The following FOXP4 variants were observed in gnomAD, a reference collection of about 807,000 sequenced individuals.
The protein encoded by FOXP4 is forkhead box protein P4.
Under a neutral mutation model 82.6 loss-of-function variants are expected in FOXP4, and 25 were observed. The observed-to-expected ratio is 0.30, with a 90% CI of 0.22 to 0.42. The LOEUF (loss-of-function observed/expected upper bound fraction) is 0.42. FOXP4 is among the 10% of genes least tolerant of loss of function. The pLI is 1.00. For synonymous variants in FOXP4, 415 were observed against 388.2 expected (o/e 1.07, Z -0.81); for missense variants, 785 against 900.9 (o/e 0.87, Z 1.65).
intron 1 of FOXP4, among the ~76,000 whole-genome samples, chr6:41,547,151 C>T (rs1763677804): frequency 6.6e-6 from 1 of 151,822 alleles, no homozygotes; most frequent in South Asian, 2.1e-4. Context: ...CAGGTGGGGG[C>T]TGTGGCGCGG....
intron 2 of FOXP4, among the ~76,000 whole-genome samples, chr6:41,572,470 A>G (rs2127363902): frequency 6.6e-6 from 1 of 151,996 alleles, no homozygotes; most frequent in South Asian, 2.1e-4. Flanking sequence ...CTTAATAACC[A>G]CTCATTAAAT....
At chr6:41,569,693 G>A (rs1454010740) in intron 2 of FOXP4, among the ~76,000 whole-genome samples, 5 of 152,196 alleles carry the variant, frequency 3.3e-5, no homozygotes, top group African/African-American at 1.2e-4. Flanking sequence ...ACGCTGAAAG[G>A]CGTCCTGGGC....
At chr6:41,550,006 T>G (rs1424056026) in intron 1 of FOXP4, among the ~76,000 whole-genome samples, 9 of 152,186 alleles carry the variant, frequency 5.9e-5, no homozygotes, top group African/African-American at 2.2e-4. Context: ...ACAGTTTCCC[T>G]TCTCACAGAT....
chr6:41,577,486 C>T (rs1002824286), intron 2 of FOXP4, among the ~76,000 whole-genome samples: 7 of 152,284 alleles, frequency 4.6e-5, no homozygotes, highest in African/African-American at 1.2e-4. Context: ...GCTCTGATGC[C>T]GCCTAGCTGT....
At chr6:41,547,120 G>C (rs968203430) in intron 1 of FOXP4, among the ~76,000 whole-genome samples, 11 of 151,904 alleles carry the variant, frequency 7.2e-5, no homozygotes, top group Non-Finnish European at 1.5e-4. Flanking sequence ...GGGCCCCAGC[G>C]GGCCGGAGCT....
At position 41,558,349 on chromosome 6, in the gene FOXP4, C is replaced by T. The variant is rs1423004473; in HGVS notation, c.-16-7396C>T. Among the ~76,000 whole-genome samples, 1 of 152,184 alleles carries T rather than the reference C, an allele frequency of 6.6e-6. No individual in the cohort carries two copies. Among genetic ancestry groups the T allele is most frequent in the Non-Finnish European group, 1.5e-5 (1 of 68,030 alleles). ...GGTCTTGACTCACTTTCTTCAAGTG[C>T]TGAACCAAGGGCTGGGAGAGGGGGG... On this transcript the variant is annotated intron_variant, in intron 1 of 16. Coordinates refer to ENST00000307972, the MANE Select transcript of FOXP4 (RefSeq NM_001012426.2). This position sits in a 1 kb window ranked among gnomAD's most constrained non-coding sequence, Gnocchi z 4.0.
chr6:41,571,461 T>C (rs1348733242), intron 2 of FOXP4, among the ~76,000 whole-genome samples: 1 of 152,234 alleles, frequency 6.6e-6, no homozygotes, highest in African/African-American at 2.4e-5. Context: ...CAGAAACTAG[T>C]TCCTTATAGA....
At position 41,587,737 on chromosome 6, in the gene FOXP4, A is replaced by T. The variant is rs989966350; in HGVS notation, c.873-56A>T. 1.1e-5 allele frequency: 13 copies of T among 1,230,218 alleles called. No homozygotes were observed. In the African/African-American group the frequency reaches 1.5e-4, roughly 14 times the overall value. 76.2% of individuals were successfully genotyped at this position (1,230,218 alleles called of 1,614,324 possible). A position where few individuals can be genotyped will look rare whatever the true frequency, so the allele number is the denominator to read the frequency against. ...GGGGAGCTGGTGCTCAGCTGACTAC[A>T]GGGCCGCTGGGGTCTTCAGGGTCCC... On this transcript the variant is annotated intron_variant, in intron 7 of 16. Coordinates refer to ENST00000307972, the MANE Select transcript of FOXP4 (RefSeq NM_001012426.2).
chr6:41,589,916 C>A (rs202088344), intron 10 of FOXP4, 47 bp from the exon 11 acceptor site: 2 of 1,610,132 alleles, frequency 1.2e-6, no homozygotes, highest in Non-Finnish European at 1.7e-6. Context: ...AGCCTCGGGA[C>A]CCCCACCCTC....
chr6:41,587,021 A>G lies in FOXP4; in HGVS notation c.523A>G (p.Lys175Glu). The G allele has an allele frequency of 6.3e-7, 1 of 1,592,974 alleles. No homozygotes were observed. Among genetic ancestry groups the G allele is most frequent in the Non-Finnish European group, 8.6e-7 (1 of 1,165,682 alleles). The change falls in exon 6 of 17, where the codon AAG becomes GAG. Residue 175 changes from lysine to glutamate, a missense_variant. Coordinates refer to ENST00000307972, the MANE Select transcript of FOXP4 (RefSeq NM_001012426.2). ...GGCCCCTCACCAGGCACTGGGGAAC[A>G]AGCAGCTGGCCTTCCAGCAGCAGCT... ...KPQPKEALGNKQLAFQQQLLQ... is the reference protein window; with the variant it reads ...KPQPKEALGNEQLAFQQQLLQ...
At position 41,597,831 on chromosome 6, in the gene FOXP4, G is replaced by A. The variant is rs1355638085; in HGVS notation, c.1776G>A (p.Leu592=). 1.2e-6 allele frequency: 2 copies of A among 1,605,934 alleles called. No homozygotes were observed. The highest frequency in any genetic ancestry group is 1.7e-6 in the Non-Finnish European group (2 of 1,178,820). Residue 592 remains leucine, a synonymous_variant, in exon 16 of 17, where the codon CTG becomes CTA. Coordinates refer to ENST00000307972, the MANE Select transcript of FOXP4 (RefSeq NM_001012426.2). The stretch of plus-strand genomic sequence containing the variant: ...CCCTCCTCAACAGCCCTGGCATGCT[G>A]AACCCTGGCTCCGCCAGCAGCCTGC... ...SFPLLNSPGM[L]NPGSASSLLP...
At position 41,548,288 on chromosome 6, in the gene FOXP4, G is replaced by A. The variant is rs76307188; in HGVS notation, c.-17+1421G>A. ...GCCTGGAGCCGGGAATAGGGGTGGG[G>A]AGTCCGGAGAACCAAACCCGAGCCT... On this transcript the variant is annotated intron_variant, in intron 1 of 16. Coordinates refer to ENST00000307972, the MANE Select transcript of FOXP4 (RefSeq NM_001012426.2). 9.4e-3 allele frequency: 1,440 copies of A among 152,384 alleles called. 15 individuals are homozygous for A. The highest frequency in any genetic ancestry group is 0.031 in the Middle Eastern group (9 of 294). The allele number at this position is 152,384 out of a possible 1,614,324, so 9.4% of individuals were successfully genotyped here.
intron 1 of FOXP4, among the ~76,000 whole-genome samples, chr6:41,564,575 C>A (rs1014350359): frequency 6.6e-6 from 1 of 152,190 alleles, no homozygotes; most frequent in Admixed American, 6.5e-5. Flanking sequence ...TCAGCCACTC[C>A]TTGAGAGGCA....
chr6:41,577,439 T>C (rs2127374542), intron 2 of FOXP4, among the ~76,000 whole-genome samples: 2 of 152,294 alleles, frequency 1.3e-5, no homozygotes, highest in Middle Eastern at 6.8e-3. Flanking sequence ...AGTAAGGCAG[T>C]TGGCCTTGGA....
intron 3 of FOXP4, among the ~76,000 whole-genome samples, chr6:41,578,318 CAA>C (rs1765608999): frequency 6.6e-6 from 1 of 152,212 alleles, no homozygotes; most frequent in African/African-American, 2.4e-5. Context: ...CCCTGTCACT[CAA>C]AGTTTGTCTG....
chr6:41,596,145 G>T (rs368549391), intron 14 of FOXP4, among the ~76,000 whole-genome samples: 1 of 152,162 alleles, frequency 6.6e-6, no homozygotes, highest in Admixed American at 6.5e-5. Context: ...TGATCTGCCC[G>T]CATCGGCCTC....
intron 1 of FOXP4, among the ~76,000 whole-genome samples, chr6:41,564,435 T>A: frequency 6.6e-6 from 1 of 152,262 alleles, no homozygotes; most frequent in Non-Finnish European, 1.5e-5. Context: ...ATAAAATGAA[T>A]AAATTAATTA....
At chr6:41,553,648 G>A (rs1448490014) in intron 1 of FOXP4, among the ~76,000 whole-genome samples, 1 of 152,208 alleles carries the variant, frequency 6.6e-6, no homozygotes, top group Non-Finnish European at 1.5e-5. Flanking sequence ...CCGTGATCCT[G>A]TGTGCTCCAG....
Position 41,597,833 on chromosome 6 carries a change from A to G in FOXP4, c.1778A>G (p.Asn593Ser). The change falls in exon 16 of 17, where the codon AAC becomes AGC. Residue 593 changes from asparagine (N) to serine (S), a missense_variant. Around this residue, in one of 3 missense-constraint regions of FOXP4, gnomAD observed 184 missense variants for 187.3 expected, o/e 0.98. Coordinates refer to ENST00000307972, the MANE Select transcript of FOXP4 (RefSeq NM_001012426.2). ...FPLLNSPGML[N>S]PGSASSLLPL... ...CTCCTCAACAGCCCTGGCATGCTGAACCCTGGCTCCGCCAGCAGCCTGCTG... is the reference window on the plus strand; with the variant it reads ...CTCCTCAACAGCCCTGGCATGCTGAGCCCTGGCTCCGCCAGCAGCCTGCTG... The G allele has an allele frequency of 6.2e-7, 1 of 1,605,090 alleles. No homozygotes were observed. The highest frequency in any genetic ancestry group is 1.3e-5 in the African/African-American group (1 of 74,926).
Sources: gnomAD v4.1 joint callset for allele counts (sites outside exome capture counted in the v4.1 genomes callset) on GRCh38, gnomAD v4.1.1 for gene constraint, gnomAD v4.1.1 regional missense constraint, Gnocchi (gnomAD v3.1) non-coding constraint, MANE v1.5 for transcripts, NCBI Gene and HGNC (gene_info 2026-07-23, HGNC 2026-07-21) for gene names.